Variants in CENPP observed in about 807,000 individuals in gnomAD.
CENPP encodes centromere protein P.
A neutral mutation model predicts 35.6 loss-of-function variants in CENPP; 24 were observed. The ratio of observed to expected loss-of-function variants is 0.67; its 90% CI spans 0.49 to 0.95. The LOEUF (loss-of-function observed/expected upper bound fraction) is 0.95, where lower values mean the gene tolerates loss of function less well. CENPP is among the 40% of genes least tolerant of loss of function. The pLI, the probability that CENPP is intolerant of heterozygous loss-of-function variation, is 0.00. For synonymous variants in CENPP, 120 were observed against 125.5 expected (o/e 0.96, Z 0.29); for missense variants, 332 against 345.3 (o/e 0.96, Z 0.31).
intron 5 of CENPP, among the ~76,000 whole-genome samples, chr9:92,602,004 T>G (rs899676679): frequency 5.3e-5 from 8 of 152,194 alleles, no homozygotes; most frequent in African/African-American, 1.9e-4. Flanking sequence ...TTGTAAATAC[T>G]GTCAGCTCCT....
intron 5 of CENPP, among the ~76,000 whole-genome samples, chr9:92,567,397 GAT>G (rs762810461): frequency 5.6e-4 from 29 of 51,586 alleles, no homozygotes; most frequent in African/African-American, 2.1e-3. Flanking sequence ...TATATATATA[GAT>G]ATATATATAA....
At chr9:92,539,066 G>A (rs1849254006) in intron 5 of CENPP, 1 of 152,122 alleles carries the variant, frequency 6.6e-6, no homozygotes, top group South Asian at 2.1e-4. Context: ...ACCTTGTTCA[G>A]CCCGAATAAG....
chr9:92,559,335 T>G (rs1849798027), intron 5 of CENPP, among the ~76,000 whole-genome samples: 1 of 152,182 alleles, frequency 6.6e-6, no homozygotes, highest in Admixed American at 6.5e-5. Context: ...CTGGGCTCTC[T>G]AACTTGACTC....
chr9:92,546,838 A>C (rs1446292316), intron 5 of CENPP, among the ~76,000 whole-genome samples: 1 of 152,220 alleles, frequency 6.6e-6, no homozygotes, highest in Admixed American at 6.5e-5. Context: ...CAGAAAATCT[A>C]AATTGTCTAT....
At chr9:92,369,387 T>C (rs1215969304) in intron 4 of CENPP, among the ~76,000 whole-genome samples, 2 of 152,082 alleles carry the variant, frequency 1.3e-5, no homozygotes, top group Non-Finnish European at 2.9e-5. Flanking sequence ...TATCTGGCCC[T>C]GGGGTGATTA....
intron 5 of CENPP, chr9:92,538,908 A>AT (rs1441637169): frequency 6.6e-6 from 1 of 151,842 alleles, no homozygotes; most frequent in Non-Finnish European, 1.5e-5. Context: ...CCTTTTCAGT[A>AT]TTTTTCCTGA....
At chr9:92,464,825 C>T in intron 5 of CENPP, 1 of 899,316 alleles carries the variant, frequency 1.1e-6, no homozygotes, top group Non-Finnish European at 1.9e-6. Context: ...TTTCTAGTTG[C>T]AGTGTATACT....
intron 5 of CENPP, among the ~76,000 whole-genome samples, chr9:92,507,398 A>C (rs1484198426): frequency 6.6e-6 from 1 of 152,248 alleles, no homozygotes; most frequent in African/African-American, 2.4e-5. Context: ...ACTAGTGGCC[A>C]TTACATGACT....
At chr9:92,343,962 C>CAAAAAAAA (rs35920973) in intron 3 of CENPP, among the ~76,000 whole-genome samples, 3 of 60,984 alleles carry the variant, frequency 4.9e-5, no homozygotes, top group Non-Finnish European at 9.2e-5. Context: ...AACCCTGTCT[C>CAAAAAAAA]AAAAAAAAAA....
chr9:92,522,212 G>T (rs1280426827), intron 5 of CENPP, among the ~76,000 whole-genome samples: 1 of 151,830 alleles, frequency 6.6e-6, no homozygotes, highest in South Asian at 2.1e-4. Context: ...TCAGCCTCCC[G>T]AGTAGCTGGG....
intron 5 of CENPP, among the ~76,000 whole-genome samples, chr9:92,406,833 T>G (rs1481950230): frequency 6.6e-6 from 1 of 152,208 alleles, no homozygotes; most frequent in East Asian, 1.9e-4. Flanking sequence ...TGCAGCCTGC[T>G]TCTTCACAGC....
chr9:92,347,903 T>C (rs923760283), intron 4 of CENPP, among the ~76,000 whole-genome samples: 1 of 152,226 alleles, frequency 6.6e-6, no homozygotes, highest in African/African-American at 2.4e-5. Context: ...TTAAAGCAAT[T>C]AAAAATAAGA....
intron 5 of CENPP, among the ~76,000 whole-genome samples, chr9:92,396,243 C>T (rs903834781): frequency 6.6e-6 from 1 of 152,144 alleles, no homozygotes; most frequent in Non-Finnish European, 1.5e-5. Flanking sequence ...GCCAATACTG[C>T]AGTGTCTTGA....
chr9:92,417,221 T>C (rs767366433), intron 5 of CENPP: 2 of 1,614,044 alleles, frequency 1.2e-6, no homozygotes, highest in South Asian at 1.1e-5. Flanking sequence ...ATGAGTTGCA[T>C]TGATGAATGA....
At chr9:92,469,461 A>G (rs1261713901) in intron 5 of CENPP, among the ~76,000 whole-genome samples, 1 of 152,076 alleles carries the variant, frequency 6.6e-6, no homozygotes, top group Non-Finnish European at 1.5e-5. Context: ...ATGGGCCAGC[A>G]GGGTCCACTG....
chr9:92,524,898 A>G (rs530081964), intron 5 of CENPP, among the ~76,000 whole-genome samples: 1 of 152,296 alleles, frequency 6.6e-6, no homozygotes, highest in Non-Finnish European at 1.5e-5. Context: ...GAATGGTAAA[A>G]CATTCAAGGT....
At chr9:92,414,144 A>G (rs979912902) in intron 5 of CENPP, 1 of 170,424 alleles carries the variant, frequency 5.9e-6, no homozygotes, top group Non-Finnish European at 1.3e-5. Flanking sequence ...CGAAAAAGTG[A>G]TTTTTAAGGT....
rs373105680 is a variant in CENPP, at chr9:92,438,710, T to C, written c.564+58851T>C. 2.8e-4 allele frequency among the ~76,000 whole-genome samples: 43 copies of C among 152,350 alleles called. No homozygotes were observed. In the East Asian group the frequency reaches 7.9e-3, roughly 28 times the overall value. The stretch of plus-strand genomic sequence containing the variant: ...GTTCTTGCCTGGAATCCCAGCACTT[T>C]GGGAGGCCAAGGCAGGTGGATCACT... On this transcript the variant is annotated intron_variant, in intron 5 of 7. Coordinates refer to ENST00000375587, the MANE Select transcript of CENPP (RefSeq NM_001012267.3).
intron 5 of CENPP, among the ~76,000 whole-genome samples, chr9:92,467,250 T>C (rs1023486219): frequency 6.6e-6 from 1 of 152,210 alleles, no homozygotes; most frequent in African/African-American, 2.4e-5. Flanking sequence ...GTGTGCTCTC[T>C]GCACAAGTCT....
Sources: allele counts gnomAD v4.1 joint callset (sites outside exome capture counted in the v4.1 genomes callset), GRCh38; gene constraint gnomAD v4.1.1; transcripts MANE v1.5; gene names NCBI Gene and HGNC (gene_info 2026-07-23, HGNC 2026-07-21).